The following NAA25 variants were observed in gnomAD, a reference collection of about 807,000 sequenced individuals.
The protein encoded by NAA25 is N-terminal acetyltransferase B complex subunit NAA25.
A neutral mutation model predicts 132.5 loss-of-function variants in NAA25; 30 were observed. The observed-to-expected ratio is 0.23, with a 90% CI of 0.17 to 0.31. The LOEUF is 0.31. Ranked by LOEUF, NAA25 falls within the 10% of genes least tolerant of loss-of-function variation. The pLI is 1.00. For synonymous variants in NAA25, 359 were observed against 401.9 expected, an observed-to-expected ratio of 0.89 and a Z score of 1.28; for missense variants, 771 against 1,150.4, an observed-to-expected ratio of 0.67 and a Z score of 4.77.
Position 112,082,774 on chromosome 12 carries a change from G to T in NAA25, c.403-1640C>A, listed in dbSNP as rs538237228. Among the ~76,000 whole-genome samples the T allele has an allele frequency of 9.8e-5, 14 of 143,162 alleles. No individual in the cohort carries two copies. The East Asian group carries it at 2.4e-3, about 24-fold the overall frequency. The allele number at this position is 143,162 out of a possible 152,430, so 93.9% of individuals were successfully genotyped here. ...TGACTTTGAAGGTCAAACATAACAT[G>T]GTGGCAGGGGGCGGGGGGTGGGGGG... On this transcript the variant is annotated intron_variant, in intron 4 of 23. Coordinates refer to ENST00000261745, the MANE Select transcript of NAA25 (RefSeq NM_024953.4).
At chr12:112,069,889 A>T (rs2078779821) in intron 10 of NAA25, among the ~76,000 whole-genome samples, 1 of 151,928 alleles carries the variant, frequency 6.6e-6, no homozygotes. Context: ...GCACTTCGGG[A>T]GGCCAAGGTA....
At chr12:112,105,669 A>T (rs2079352757) in intron 1 of NAA25, among the ~76,000 whole-genome samples, 1 of 152,248 alleles carries the variant, frequency 6.6e-6, no homozygotes, top group Non-Finnish European at 1.5e-5. Context: ...TTTCCAACAC[A>T]ATTGTAAAAT....
chr12:112,067,114 C>T (rs1452093802), intron 11 of NAA25, among the ~76,000 whole-genome samples: 3 of 152,082 alleles, frequency 2.0e-5, no homozygotes, highest in Non-Finnish European at 2.9e-5. Context: ...GCAGGAGAAT[C>T]CCTTGAACCA....
At chr12:112,095,450 T>C (rs1367513095) in intron 1 of NAA25, among the ~76,000 whole-genome samples, 1 of 148,718 alleles carries the variant, frequency 6.7e-6, no homozygotes, top group African/African-American at 2.5e-5. Flanking sequence ...AAAAAAAGAA[T>C]TAAAAAAATT....
At chr12:112,086,051 A>AAT (rs1555238696) in intron 4 of NAA25, among the ~76,000 whole-genome samples, 5,062 of 37,254 alleles carry the variant, frequency 0.14, 415 homozygotes, top group East Asian at 0.43. Context: ...AAAAAAAAAA[A>AAT]ATATATATAT....
At chr12:112,062,919 G>A (rs2078658713) in intron 11 of NAA25, among the ~76,000 whole-genome samples, 1 of 151,774 alleles carries the variant, frequency 6.6e-6, no homozygotes, top group Non-Finnish European at 1.5e-5. Flanking sequence ...ACATAGCCAG[G>A]CATGGTAGTG....
chr12:112,086,073 T>TATATATATATATACATACACACACAC (rs759148501), intron 4 of NAA25, among the ~76,000 whole-genome samples: 4 of 53,964 alleles, frequency 7.4e-5, no homozygotes, highest in African/African-American at 4.8e-4. Flanking sequence ...TATATATATA[T>TATATATATATATACATACACACACAC]ACACACACAC....
At chr12:112,078,593 C>G in intron 6 of NAA25, 41 bp downstream of exon 6, 1 of 1,525,688 alleles carries the variant, frequency 6.6e-7, no homozygotes, top group South Asian at 1.1e-5. Context: ...GTAGCACTAG[C>G]AAAAAAATGA....
At chr12:112,102,787 C>T (rs1407434569) in intron 1 of NAA25, among the ~76,000 whole-genome samples, 1 of 149,366 alleles carries the variant, frequency 6.7e-6, no homozygotes, top group African/African-American at 2.5e-5. Flanking sequence ...CCTGGGTTCA[C>T]GCGATTCTCT....
chr12:112,029,081 C>T lies in NAA25; in HGVS notation c.*450G>A, dbSNP rs2078117234. ...TACTGCTGTGAAAAGGGGGTCTGTTCCCAGGCATGGTCTCCCCTCCACTTC... is the reference window on the plus strand; with the variant it reads ...TACTGCTGTGAAAAGGGGGTCTGTTTCCAGGCATGGTCTCCCCTCCACTTC... On this transcript the variant is annotated 3_prime_UTR_variant, in exon 24 of 24. Transcript: ENST00000261745. 1 of 161,994 alleles carries T rather than the reference C, an allele frequency of 6.2e-6. No homozygotes were observed. Among genetic ancestry groups the T allele is most frequent in the Non-Finnish European group, 1.4e-5 (1 of 73,328 alleles). 10.0% of individuals were successfully genotyped at this position (161,994 alleles called of 1,614,324 possible). A position where few individuals can be genotyped will look rare whatever the true frequency, so the allele number is the denominator to read the frequency against.
chr12:112,040,528 A>G lies in NAA25; in HGVS notation c.2491T>C (p.Leu831=). 1 of 1,606,490 alleles carries G rather than the reference A, an allele frequency of 6.2e-7. No individual in the cohort carries two copies. The highest frequency in any genetic ancestry group is 8.5e-7 in the Non-Finnish European group (1 of 1,175,446). The part of the protein sequence containing the change: ...GDLLEVKDGN[L]KTHPTLLENL... Reference sequence around the variant, plus strand: ...TCTAAAAGAGTAGGATGTGTTTTCAAGTTACCATCTTTAACTTCTAAGAGG... The same window carrying G: ...TCTAAAAGAGTAGGATGTGTTTTCAGGTTACCATCTTTAACTTCTAAGAGG... The change falls in exon 21 of 24, where the codon TTG becomes CTG. Residue 831 remains leucine, a synonymous_variant. Coordinates refer to ENST00000261745, the MANE Select transcript of NAA25 (RefSeq NM_024953.4).
At chr12:112,053,204 A>T (rs759014633) in intron 15 of NAA25, among the ~76,000 whole-genome samples, 8 of 152,268 alleles carry the variant, frequency 5.3e-5, no homozygotes, top group Admixed American at 2.6e-4. Flanking sequence ...CTGCTATTGC[A>T]GGATGTTACA....
chr12:112,072,545 G>C (rs2078827892), intron 9 of NAA25, among the ~76,000 whole-genome samples: 5 of 150,598 alleles, frequency 3.3e-5, no homozygotes, highest in African/African-American at 9.8e-5. Context: ...GGAGGGAGAG[G>C]TTGCAGTGAG....
At chr12:112,068,227 C>G (rs543059166) in intron 11 of NAA25, among the ~76,000 whole-genome samples, 2 of 152,078 alleles carry the variant, frequency 1.3e-5, no homozygotes, top group Non-Finnish European at 2.9e-5. Flanking sequence ...CAAAAAATGA[C>G]AAAATTATAA....
chr12:112,087,790 T>C lies in NAA25; in HGVS notation c.295A>G (p.Thr99Ala), dbSNP rs375469402. 6.2e-7 allele frequency: 1 copy of C among 1,604,330 alleles called. No homozygotes were observed. Among genetic ancestry groups the C allele is most frequent in the African/African-American group, 1.3e-5 (1 of 74,888 alleles). Residue 99 changes from threonine to alanine, a missense_variant, in exon 4 of 24, where the codon ACA (threonine) becomes GCA (alanine). By Grantham distance (58) the Thr-to-Ala change is moderately conservative. Around this residue, in one of 3 missense-constraint regions of NAA25, gnomAD observed 417 missense variants for 733.8 expected, o/e 0.57. Transcript: ENST00000261745. Reference protein sequence around the residue: ...YREMHRPELVTKLYEAAVKKV... With the variant: ...YREMHRPELVAKLYEAAVKKV... Reference sequence around the variant, plus strand: ...TTCACAGCTGCCTCATAAAGTTTTGTAACTAACTCCGCTAAGATAAAGAGA... The same window carrying C: ...TTCACAGCTGCCTCATAAAGTTTTGCAACTAACTCCGCTAAGATAAAGAGA...
In NAA25 at chr12:112,075,845, A is replaced by C; in HGVS notation, c.665-56T>G. 3 of 1,358,518 alleles carry C rather than the reference A, an allele frequency of 2.2e-6. No homozygotes were observed. The South Asian group carries it at 3.6e-5, about 16-fold the overall frequency. The allele number at this position is 1,358,518 out of a possible 1,614,324, so 84.2% of individuals were successfully genotyped here. On this transcript the variant is annotated intron_variant, in intron 7 of 23. Coordinates refer to ENST00000261745, the MANE Select transcript of NAA25 (RefSeq NM_024953.4). The stretch of plus-strand genomic sequence containing the variant: ...CTGGTTTCATTTCTGCTCAATAACC[A>C]GAATAGAGTCCAACCACAAGAAGGA...
At chr12:112,094,856 C>A (rs1285094610) in intron 1 of NAA25, among the ~76,000 whole-genome samples, 1 of 151,972 alleles carries the variant, frequency 6.6e-6, no homozygotes, top group African/African-American at 2.4e-5. Context: ...GATGAGGTTT[C>A]ACTATGTTGG....
intron 4 of NAA25, among the ~76,000 whole-genome samples, chr12:112,085,442 G>A (rs1194500586): frequency 6.6e-6 from 1 of 151,894 alleles, no homozygotes; most frequent in East Asian, 1.9e-4. Flanking sequence ...CTTTTTTGAG[G>A]ACAACATGAG....
intron 11 of NAA25, among the ~76,000 whole-genome samples, chr12:112,062,857 C>T (rs533044761): frequency 1.4e-3 from 220 of 152,118 alleles, no homozygotes; most frequent in Middle Eastern, 0.014. Flanking sequence ...AGCCTCGGCA[C>T]ATAGTGAGAC....
Sources: allele counts gnomAD v4.1 joint callset (sites outside exome capture counted in the v4.1 genomes callset), GRCh38; gene constraint gnomAD v4.1.1; regional missense constraint gnomAD v4.1.1; transcripts MANE v1.5; gene names NCBI Gene and HGNC (gene_info 2026-07-23, HGNC 2026-07-21).